RNF180: variants seen among roughly 807,000 people sequenced by gnomAD.
The protein encoded by RNF180 is ring finger protein 180, also known as E3 ubiquitin-protein ligase RNF180.
In RNF180, 38 loss-of-function variants were observed where a neutral mutation model predicts 59.2. That is an observed-to-expected ratio of 0.64 (90% CI 0.50 to 0.84). The LOEUF is 0.84. Among genes scored for constraint, RNF180 ranks in the 40% least tolerant of loss-of-function variants. The pLI is 0.00. For missense variants in RNF180, 705 were observed against 700.9 expected (o/e 1.01, Z -0.07); for synonymous variants, 262 against 240.3 (o/e 1.09, Z -0.84).
At chr5:64,188,683 A>C (rs1202161904) in intron 1 of RNF180, among the ~76,000 whole-genome samples, 7 of 152,190 alleles carry the variant, frequency 4.6e-5, no homozygotes, top group Non-Finnish European at 1.0e-4. Context: ...GTTCACTAAC[A>C]GGATTTTTAC....
At chr5:64,250,136 A>T (rs949908391) in intron 5 of RNF180, among the ~76,000 whole-genome samples, 1 of 152,212 alleles carries the variant, frequency 6.6e-6, no homozygotes, top group Non-Finnish European at 1.5e-5. Context: ...CATGTAGTGT[A>T]AAACCAGAAA....
chr5:64,310,516 CAAA>C (rs772300822), intron 5 of RNF180, among the ~76,000 whole-genome samples: 6 of 93,302 alleles, frequency 6.4e-5, no homozygotes, highest in Admixed American at 1.1e-4. Flanking sequence ...AATACTTTTG[CAAA>C]AAAAAAAAAA....
intron 5 of RNF180, among the ~76,000 whole-genome samples, chr5:64,315,128 A>T (rs756876546): frequency 6.6e-6 from 1 of 152,212 alleles, no homozygotes; most frequent in Non-Finnish European, 1.5e-5. Context: ...AAATGTTGAC[A>T]TATTTTATTA....
Position 64,212,046 on chromosome 5 carries a change from A to G in RNF180, c.136-19A>G. 7.3e-7 allele frequency: 1 copy of G among 1,363,386 alleles called. No homozygotes were observed. The highest frequency in any genetic ancestry group is 1.0e-6 in the Non-Finnish European group (1 of 956,974). 84.5% of individuals were successfully genotyped at this position (1,363,386 alleles called of 1,614,324 possible). On this transcript the variant is annotated intron_variant, in intron 2 of 7. Transcript: ENST00000389100. ...TTCTGAACTGGTAATTAGTAATATC[A>G]TTTATTTTTATTTAACAGGATAAAG... is the stretch of plus-strand genomic sequence containing the variant.
intron 5 of RNF180, among the ~76,000 whole-genome samples, chr5:64,225,860 C>T (rs1359117382): frequency 1.8e-4 from 26 of 147,062 alleles, no homozygotes; most frequent in African/African-American, 6.6e-4. Flanking sequence ...CTCTGCCCGG[C>T]CGCCCCGTCT....
At chr5:64,365,898 A>G (rs1162008453) in intron 7 of RNF180, among the ~76,000 whole-genome samples, 3 of 151,624 alleles carry the variant, frequency 2.0e-5, no homozygotes, top group African/African-American at 7.3e-5. Flanking sequence ...TGAAGACAGC[A>G]TACCATTGGA....
rs73105045 is a variant in RNF180, at chr5:64,348,490, A to G, written c.1579+18084A>G. 5.0e-3 allele frequency among the ~76,000 whole-genome samples: 754 copies of G among 152,244 alleles called. 10 individuals are homozygous for G. Among genetic ancestry groups the G allele is most frequent in the African/African-American group, 0.017 (705 of 41,568 alleles). ...TTATACAAACAACTGGTGGCCATAT[A>G]GGAGATTTTTCAAGCTGAATCTGAT... is the stretch of plus-strand genomic sequence containing the variant. On this transcript the variant is annotated intron_variant, in intron 7 of 7. Transcript: ENST00000389100.
intron 7 of RNF180, among the ~76,000 whole-genome samples, chr5:64,367,297 A>G (rs1286115656): frequency 6.6e-6 from 1 of 151,638 alleles, no homozygotes; most frequent in Non-Finnish European, 1.5e-5. Context: ...CAAACATACA[A>G]GAGAAAAAAT....
chr5:64,354,241 A>G (rs978737246), intron 7 of RNF180, among the ~76,000 whole-genome samples: 4 of 151,794 alleles, frequency 2.6e-5, no homozygotes, highest in African/African-American at 7.2e-5. Flanking sequence ...TAAAAGAGAG[A>G]GGATGCTTAA....
chr5:64,211,109 A>G (rs1752290700), intron 2 of RNF180, among the ~76,000 whole-genome samples: 1 of 152,122 alleles, frequency 6.6e-6, no homozygotes, highest in Non-Finnish European at 1.5e-5. Context: ...GCTGGCATCA[A>G]TGGGGTTTTT....
intron 7 of RNF180, among the ~76,000 whole-genome samples, chr5:64,364,865 C>T (rs1417699551): frequency 6.6e-6 from 1 of 151,160 alleles, no homozygotes; most frequent in Non-Finnish European, 1.5e-5. Flanking sequence ...TACAAGTGTC[C>T]GTAATATTCT....
intron 7 of RNF180, among the ~76,000 whole-genome samples, chr5:64,347,113 A>G (rs568898124): frequency 6.6e-6 from 1 of 152,324 alleles, no homozygotes; most frequent in East Asian, 1.9e-4. Flanking sequence ...AGCATATGCA[A>G]GTTTGGTTGG....
At chr5:64,346,359 C>CT (rs1162054033) in intron 7 of RNF180, among the ~76,000 whole-genome samples, 4,112 of 42,828 alleles carry the variant, frequency 0.096, 698 homozygotes, top group Non-Finnish European at 0.11. Flanking sequence ...TTCTTTTCTT[C>CT]TTTTTTTTTT....
intron 1 of RNF180, among the ~76,000 whole-genome samples, chr5:64,174,761 T>C (rs1273557100): frequency 6.6e-6 from 1 of 152,108 alleles, no homozygotes; most frequent in Non-Finnish European, 1.5e-5. Context: ...GTTTATCGAT[T>C]GTGTCCTTTG....
chr5:64,216,307 C>T (rs1026956184), intron 4 of RNF180, among the ~76,000 whole-genome samples: 2 of 152,042 alleles, frequency 1.3e-5, no homozygotes, highest in African/African-American at 4.8e-5. Context: ...AAGACAAATC[C>T]TAGAAAGAGT....
rs144323469 is a variant in RNF180 at position 64,177,932 on chromosome 5, G to A, written c.-1+11979G>A. 4.3e-4 allele frequency among the ~76,000 whole-genome samples: 65 copies of A among 152,144 alleles called. No individual in the cohort carries two copies. The East Asian group carries it at 9.1e-3, about 21-fold the overall frequency. On this transcript the variant is annotated intron_variant, in intron 1 of 7. Coordinates refer to ENST00000389100, the MANE Select transcript of RNF180 (RefSeq NM_001113561.2). ...TAGAAAAGGCTGCCTGGGGCTGGGC[G>A]TGGTGGCTCACGCCTGTAATCCCAG...
chr5:64,255,620 T>A (rs1743895559), intron 5 of RNF180, among the ~76,000 whole-genome samples: 1 of 152,246 alleles, frequency 6.6e-6, no homozygotes, highest in African/African-American at 2.4e-5. Context: ...TTGGGTTGGT[T>A]CCAAGTCTTT....
At chr5:64,194,727 T>C (rs890966257) in intron 1 of RNF180, among the ~76,000 whole-genome samples, 3 of 152,186 alleles carry the variant, frequency 2.0e-5, no homozygotes, top group Non-Finnish European at 2.9e-5. Flanking sequence ...TCTCGTTGTT[T>C]TGATTTGCAT....
At chr5:64,184,665 A>G (rs533282931) in intron 1 of RNF180, among the ~76,000 whole-genome samples, 22 of 152,292 alleles carry the variant, frequency 1.4e-4, no homozygotes, top group Admixed American at 6.5e-4. Context: ...TTGAATTTAT[A>G]CTATTAGGGT....
Sources: allele counts gnomAD v4.1 joint callset (sites outside exome capture counted in the v4.1 genomes callset), GRCh38; gene constraint gnomAD v4.1.1; transcripts MANE v1.5; gene names NCBI Gene and HGNC (gene_info 2026-07-23, HGNC 2026-07-21).